TACR1: variants seen among roughly 807,000 people sequenced by gnomAD.
TACR1 encodes tachykinin receptor 1.
A neutral mutation model predicts 35.8 loss-of-function variants in TACR1; 25 were observed. The observed-to-expected ratio is 0.70, with a 90% CI of 0.51 to 0.98. TACR1 has a LOEUF of 0.98. Among genes scored for constraint, TACR1 ranks in the 50% least tolerant of loss-of-function variants. The pLI, the probability that TACR1 is intolerant of heterozygous loss-of-function variation, is 0.00. For synonymous variants in TACR1, 195 were observed against 206.7 expected (o/e 0.94, Z 0.48); for missense variants, 478 against 522.9 (o/e 0.91, Z 0.84).
chr2:75,064,675 T>C (rs1367266425), intron 2 of TACR1, among the ~76,000 whole-genome samples: 1 of 152,216 alleles, frequency 6.6e-6, no homozygotes, highest in Non-Finnish European at 1.5e-5. Flanking sequence ...GCTCAATGCA[T>C]TGTAAAGAAC....
intron 1 of TACR1, among the ~76,000 whole-genome samples, chr2:75,155,521 G>C (rs1305544907): frequency 6.6e-6 from 1 of 151,866 alleles, no homozygotes; most frequent in Non-Finnish European, 1.5e-5. Flanking sequence ...AGCTCTTCTG[G>C]TCCAGCTCAC....
chr2:75,137,855 C>T (rs1674330623), intron 1 of TACR1, among the ~76,000 whole-genome samples: 1 of 151,242 alleles, frequency 6.6e-6, no homozygotes, highest in African/African-American at 2.4e-5. Flanking sequence ...TTCCTATACT[C>T]ATCTACTTTC....
At chr2:75,069,969 A>AT in intron 2 of TACR1, among the ~76,000 whole-genome samples, 1 of 89,488 alleles carries the variant, frequency 1.1e-5, no homozygotes, top group South Asian at 4.2e-4. Context: ...CATTCACAGG[A>AT]TGAGGAGTCA....
intron 1 of TACR1, among the ~76,000 whole-genome samples, chr2:75,128,962 T>C (rs1674130473): frequency 6.6e-6 from 1 of 152,090 alleles, no homozygotes; most frequent in African/African-American, 2.4e-5. Flanking sequence ...CATTGACCTG[T>C]TTGCGATTTA....
chr2:75,120,396 A>T (rs560994796), intron 2 of TACR1, among the ~76,000 whole-genome samples, 178 bp downstream of exon 2: 196 of 152,350 alleles, frequency 1.3e-3, no homozygotes, highest in African/African-American at 4.2e-3. Context: ...GGGATACTAT[A>T]GTCCCCTGAC....
At chr2:75,084,077 T>G (rs1337337747) in intron 2 of TACR1, among the ~76,000 whole-genome samples, 1 of 152,194 alleles carries the variant, frequency 6.6e-6, no homozygotes, top group Non-Finnish European at 1.5e-5. Flanking sequence ...CATAAATAGC[T>G]CTTATTATTT....
intron 2 of TACR1, among the ~76,000 whole-genome samples, chr2:75,110,323 G>A (rs1267168248): frequency 6.6e-6 from 1 of 150,560 alleles, no homozygotes. Flanking sequence ...TTTTATTCTA[G>A]AAGTAGATGT....
chr2:75,150,128 G>A (rs541031827), intron 1 of TACR1, among the ~76,000 whole-genome samples: 21 of 152,236 alleles, frequency 1.4e-4, no homozygotes, highest in African/African-American at 5.1e-4. Flanking sequence ...TTGATGTGCT[G>A]GTGAATTCAC....
chr2:75,052,972 C>A (rs1468211364), intron 3 of TACR1, among the ~76,000 whole-genome samples: 1 of 152,174 alleles, frequency 6.6e-6, no homozygotes, highest in Non-Finnish European at 1.5e-5. Context: ...CATAACCATA[C>A]CACATTATCA....
In TACR1 at chr2:75,120,606, C is replaced by CCATT; in HGVS notation, c.548_551dup (p.Trp184Ter). Reference sequence around the variant, plus strand: ...CATAAATCTTGTTCGGATGCTCTGGCCATTCGATCATGCACACGACTCTGC... The same window carrying CCATT: ...CATAAATCTTGTTCGGATGCTCTGGCCATTCATTCGATCATGCACACGACTCTGC... On this transcript the variant is annotated stop_gained and frameshift_variant, in exon 2 of 5. Coordinates refer to ENST00000305249, the MANE Select transcript of TACR1 (RefSeq NM_001058.4). LOFTEE classifies it high-confidence loss of function. The CCATT allele has an allele frequency of 1.2e-6, 2 of 1,609,020 alleles. No homozygotes were observed. Among genetic ancestry groups the CCATT allele is most frequent in the Non-Finnish European group, 1.7e-6 (2 of 1,177,454 alleles).
Position 75,047,003 on chromosome 2 carries a change from A to G in TACR1, c.*2429T>C, listed in dbSNP as rs1672381129. 1 of 152,220 alleles carries G rather than the reference A, an allele frequency of 6.6e-6. No individual in the cohort carries two copies. The highest frequency in any genetic ancestry group is 6.5e-5 in the Admixed American group (1 of 15,280). The allele number at this position is 152,220 out of a possible 1,614,324, so 9.4% of individuals were successfully genotyped here. Reference sequence around the variant, plus strand: ...CAGTACAAATCATGGTGTTTCTTACATGTGGGAGTTGATGACATTTTTATA... The same window carrying G: ...CAGTACAAATCATGGTGTTTCTTACGTGTGGGAGTTGATGACATTTTTATA... On this transcript the variant is annotated 3_prime_UTR_variant, in exon 5 of 5. Transcript: ENST00000305249.
At chr2:75,190,120 T>TA (rs1250201234) in intron 1 of TACR1, among the ~76,000 whole-genome samples, 3 of 152,178 alleles carry the variant, frequency 2.0e-5, no homozygotes, top group African/African-American at 7.2e-5. Context: ...GTTCAAAGGC[T>TA]AAAAAACACT....
At chr2:75,139,883 C>G (rs1306595404) in intron 1 of TACR1, among the ~76,000 whole-genome samples, 1 of 152,188 alleles carries the variant, frequency 6.6e-6, no homozygotes, top group African/African-American at 2.4e-5. Flanking sequence ...TCAGGTAATG[C>G]AACAGCCCTG....
At chr2:75,065,781 C>T (rs184374470) in intron 2 of TACR1, among the ~76,000 whole-genome samples, 34 of 152,196 alleles carry the variant, frequency 2.2e-4, no homozygotes, top group Non-Finnish European at 4.6e-4. Flanking sequence ...TCTTGATATA[C>T]GTAAGTTACA....
At chr2:75,160,551 A>G (rs1558575499) in intron 1 of TACR1, among the ~76,000 whole-genome samples, 1 of 152,038 alleles carries the variant, frequency 6.6e-6, no homozygotes, top group Non-Finnish European at 1.5e-5. Flanking sequence ...AATGATTGAG[A>G]TGAGAAACAA....
At chr2:75,061,014 C>T (rs1672662641) in intron 2 of TACR1, among the ~76,000 whole-genome samples, 1 of 152,106 alleles carries the variant, frequency 6.6e-6, no homozygotes, top group Admixed American at 6.5e-5. Flanking sequence ...GGTAGATTGC[C>T]TTTTGGATAT....
intron 2 of TACR1, among the ~76,000 whole-genome samples, chr2:75,085,166 C>T (rs974256106): frequency 3.9e-5 from 6 of 152,054 alleles, no homozygotes; most frequent in South Asian, 2.1e-4. Context: ...TTTCTTAAGC[C>T]GATGCATCAC....
chr2:75,191,865 A>G (rs1675854853), intron 1 of TACR1, among the ~76,000 whole-genome samples: 1 of 152,136 alleles, frequency 6.6e-6, no homozygotes, highest in Non-Finnish European at 1.5e-5. Flanking sequence ...ACTCTGTGCC[A>G]GGCACTTGGA....
Position 75,199,014 on chromosome 2 carries a change from T to A in TACR1, c.-80A>T. On this transcript the variant is annotated 5_prime_UTR_variant, in exon 1 of 5. Coordinates refer to ENST00000305249, the MANE Select transcript of TACR1 (RefSeq NM_001058.4). ...GAGTCCTGTGGCTGGCGCCTGGGGC[T>A]CAGGGTCCTTCTAAAGCCAGACAGG... 1 of 1,527,482 alleles carries A rather than the reference T, an allele frequency of 6.5e-7. No homozygotes were observed. 94.6% of individuals were successfully genotyped at this position (1,527,482 alleles called of 1,614,324 possible). A position where few individuals can be genotyped will look rare whatever the true frequency, so the allele number is the denominator to read the frequency against.
Sources: gnomAD v4.1 joint callset for allele counts (sites outside exome capture counted in the v4.1 genomes callset) on GRCh38, gnomAD v4.1.1 for gene constraint, MANE v1.5 for transcripts, NCBI Gene and HGNC (gene_info 2026-07-23, HGNC 2026-07-21) for gene names.